DRC9: variants seen among roughly 807,000 people sequenced by gnomAD.
DRC9 encodes the protein dynein regulatory complex protein 9.
At chr3:197,934,856 G>A in the DRC9 span, among the ~76,000 whole-genome samples, 8 of 147,632 alleles carry the variant, frequency 5.4e-5, no homozygotes, top group African/African-American at 1.5e-4. Context: ...ATGGTGGCAC[G>A]TGCCTGTAGT....
At chr3:197,952,836 CT>C in the DRC9 span, among the ~76,000 whole-genome samples, 3,516 of 143,742 alleles carry the variant, frequency 0.024, 119 homozygotes, top group African/African-American at 0.071. Flanking sequence ...ATGCTGTAGA[CT>C]TTTTTTTTTT....
chr3:197,960,072 T>G, the DRC9 span: 1 of 651,298 alleles, frequency 1.5e-6, no homozygotes, highest in South Asian at 2.0e-5. Context: ...CGAGACGCGA[T>G]GGACGTGATC....
chr3:197,898,789 G>A, the DRC9 span, among the ~76,000 whole-genome samples: 3 of 152,118 alleles, frequency 2.0e-5, no homozygotes, highest in South Asian at 4.1e-4. Flanking sequence ...ACCTGGTCTC[G>A]CCCTTGACAT....
At chr3:197,889,717 G>A in the DRC9 span, 2 of 1,614,156 alleles carry the variant, frequency 1.2e-6, no homozygotes, top group South Asian at 2.2e-5. Context: ...GCCTGGAGCT[G>A]GAAGAGAAAA....
the DRC9 span, among the ~76,000 whole-genome samples, chr3:197,897,330 A>C: frequency 6.6e-6 from 1 of 152,176 alleles, no homozygotes; most frequent in Non-Finnish European, 1.5e-5. Context: ...GCCAAATATA[A>C]TTAAGAGAGA....
the DRC9 span, among the ~76,000 whole-genome samples, chr3:197,899,895 A>G: frequency 6.6e-6 from 1 of 152,176 alleles, no homozygotes; most frequent in Non-Finnish European, 1.5e-5. Flanking sequence ...ACGGCTTTGA[A>G]TTGCTGACGA....
At chr3:197,936,021 G>C in the DRC9 span, among the ~76,000 whole-genome samples, 1 of 152,058 alleles carries the variant, frequency 6.6e-6, no homozygotes, top group African/African-American at 2.4e-5. Context: ...GCTGAGACGG[G>C]CGGATCACCT....
At chr3:197,931,744 C>G in the DRC9 span, among the ~76,000 whole-genome samples, 1 of 151,918 alleles carries the variant, frequency 6.6e-6, no homozygotes, top group Non-Finnish European at 1.5e-5. Flanking sequence ...CCTGCCTTGG[C>G]CTCCCAAGTA....
At chr3:197,918,323 C>T in the DRC9 span, among the ~76,000 whole-genome samples, 1 of 131,694 alleles carries the variant, frequency 7.6e-6, no homozygotes, top group Non-Finnish European at 1.5e-5. Context: ...AGGCTGGTCT[C>T]AAACTCCTGG....
the DRC9 span, among the ~76,000 whole-genome samples, chr3:197,946,265 C>T: frequency 6.6e-6 from 1 of 151,770 alleles, no homozygotes; most frequent in Non-Finnish European, 1.5e-5. Context: ...GAAACCCCGT[C>T]TCTACTAAAA....
the DRC9 span, among the ~76,000 whole-genome samples, chr3:197,943,139 A>T: frequency 6.6e-6 from 1 of 152,202 alleles, no homozygotes; most frequent in Non-Finnish European, 1.5e-5. Flanking sequence ...TTAAAGCGTT[A>T]AGAGTGGAGT....
At chr3:197,909,085 A>G in the DRC9 span, among the ~76,000 whole-genome samples, 1 of 152,232 alleles carries the variant, frequency 6.6e-6, no homozygotes, top group Non-Finnish European at 1.5e-5. Flanking sequence ...GAATCTGAGC[A>G]GGTGTTCTCA....
At chr3:197,938,428 G>A in the DRC9 span, 2 of 721,122 alleles carry the variant, frequency 2.8e-6, no homozygotes, top group Non-Finnish European at 4.9e-6. Flanking sequence ...ATTCTCAGCA[G>A]TCATTTTGCA....
At chr3:197,951,650 G>A in the DRC9 span, 1 of 317,652 alleles carries the variant, frequency 3.1e-6, no homozygotes, top group Admixed American at 4.5e-5. Flanking sequence ...ACCGCGCCTG[G>A]CCTCATTATC....
At chr3:197,903,052 A>C in the DRC9 span, among the ~76,000 whole-genome samples, 2 of 152,222 alleles carry the variant, frequency 1.3e-5, no homozygotes, top group Admixed American at 6.5e-5. Flanking sequence ...CATTTTTGAC[A>C]AAGGTACCAA....
chr3:197,925,633 G>C, the DRC9 span, among the ~76,000 whole-genome samples: 2 of 150,270 alleles, frequency 1.3e-5, no homozygotes, highest in Non-Finnish European at 1.5e-5. Context: ...CTGTCACCCA[G>C]GCTGGAGTTC....
the DRC9 span, among the ~76,000 whole-genome samples, chr3:197,946,304 G>A: frequency 0.021 from 3,231 of 151,628 alleles, 150 homozygotes; most frequent in African/African-American, 0.075. Flanking sequence ...GCGTGGTGGC[G>A]GGTGCCTGTA....
chr3:197,943,780 C>T, the DRC9 span: 122 of 1,613,820 alleles, frequency 7.6e-5, no homozygotes, highest in Non-Finnish European at 9.6e-5. Flanking sequence ...GTCTATACCA[C>T]GCAGATGCTC....
chr3:197,893,065 T>C, the DRC9 span, among the ~76,000 whole-genome samples: 1 of 152,250 alleles, frequency 6.6e-6, no homozygotes, highest in East Asian at 1.9e-4. Flanking sequence ...TTAGTGAATT[T>C]TAAAATAGGG....
Sources: gnomAD v4.1 joint callset for allele counts (sites outside exome capture counted in the v4.1 genomes callset) on GRCh38, gnomAD v4.1.1 for gene constraint, MANE v1.5 for transcripts, NCBI Gene and HGNC (gene_info 2026-07-23, HGNC 2026-07-21) for gene names.